The following BMPER variants were observed in gnomAD, a reference collection of about 807,000 sequenced individuals.
BMPER encodes the protein BMP-binding endothelial regulator protein.
BMPER carries 45 observed loss-of-function variants against 87.3 expected under a neutral mutation model. The ratio of observed to expected loss-of-function variants is 0.52; its 90% confidence interval spans 0.41 to 0.66. BMPER has a LOEUF of 0.66. Among genes scored for constraint, BMPER ranks in the 30% least tolerant of loss-of-function variants. BMPER has a pLI of 0.00. For synonymous variants in BMPER, 326 were observed against 316.2 expected (o/e 1.03, Z -0.33); for missense variants, 784 against 867.5 (o/e 0.90, Z 1.21).
intron 5 of BMPER, among the ~76,000 whole-genome samples, chr7:33,972,679 C>T (rs1048382208): frequency 3.3e-5 from 5 of 152,156 alleles, no homozygotes; most frequent in African/African-American, 1.2e-4. Flanking sequence ...CCCACACACA[C>T]CGCGAGAATT....
chr7:34,025,154 T>G (rs1787323791), intron 6 of BMPER, among the ~76,000 whole-genome samples: 1 of 152,136 alleles, frequency 6.6e-6, no homozygotes, highest in African/African-American at 2.4e-5. Context: ...TGGTTTGTTC[T>G]TCCTTAAAGA....
intron 6 of BMPER, among the ~76,000 whole-genome samples, chr7:34,031,239 G>A (rs1055478619): frequency 1.3e-5 from 2 of 151,992 alleles, no homozygotes; most frequent in African/African-American, 2.4e-5. Flanking sequence ...TGCCTCACAC[G>A]TTAATAGGGA....
At chr7:34,041,119 G>C (rs576563948) in intron 6 of BMPER, among the ~76,000 whole-genome samples, 2 of 152,260 alleles carry the variant, frequency 1.3e-5, no homozygotes, top group South Asian at 2.1e-4. Context: ...GGCCCTATTA[G>C]ATGGAAATAA....
intron 3 of BMPER, among the ~76,000 whole-genome samples, chr7:33,949,466 C>G (rs1784968406): frequency 6.6e-6 from 1 of 152,122 alleles, no homozygotes; most frequent in African/African-American, 2.4e-5. Flanking sequence ...GTGTGTGTTT[C>G]ATTTCTAACC....
In BMPER at chr7:34,088,869, A is replaced by G. The variant is rs150680905; in HGVS notation, c.1745+2777A>G. ...TGATTACATAAACTCCCCCTGATGC[A>G]TCTGTGGAACAATCTCAAAATCAAC... On this transcript the variant is annotated intron_variant, in intron 13 of 14. Coordinates refer to ENST00000649409, the MANE Select transcript of BMPER (RefSeq NM_001365308.1). Among the ~76,000 whole-genome samples the G allele has an allele frequency of 1.3e-3, 205 of 152,266 alleles. 1 individual carries two copies. The highest frequency in any genetic ancestry group is 4.4e-3 in the African/African-American group (181 of 41,556).
At chr7:34,088,469 C>T (rs1422816071) in intron 13 of BMPER, among the ~76,000 whole-genome samples, 1 of 152,182 alleles carries the variant, frequency 6.6e-6, no homozygotes, top group African/African-American at 2.4e-5. Flanking sequence ...ATATTCTCTT[C>T]TCAGTGGAGC....
intron 6 of BMPER, among the ~76,000 whole-genome samples, chr7:34,005,469 A>G (rs1333782117): frequency 6.6e-6 from 1 of 151,542 alleles, no homozygotes; most frequent in Non-Finnish European, 1.5e-5. Context: ...ATTTTTAGAG[A>G]TGATGTCTCA....
intron 6 of BMPER, among the ~76,000 whole-genome samples, chr7:33,976,594 G>C (rs1408310300): frequency 1.3e-5 from 2 of 152,112 alleles, no homozygotes; most frequent in African/African-American, 4.8e-5. Context: ...ATGCTTTTGG[G>C]AGTAGACTGA....
chr7:33,979,010 T>C (rs1160879980), intron 6 of BMPER, among the ~76,000 whole-genome samples: 2 of 152,082 alleles, frequency 1.3e-5, no homozygotes, highest in Admixed American at 6.5e-5. Flanking sequence ...AGTGTGGGCA[T>C]GTGCACACAC....
intron 6 of BMPER, among the ~76,000 whole-genome samples, chr7:34,034,904 C>T (rs1316377263): frequency 3.3e-5 from 5 of 152,058 alleles, no homozygotes; most frequent in Non-Finnish European, 7.4e-5. Flanking sequence ...CAGGAGAAGC[C>T]GATGAGTGAA....
At chr7:33,970,484 C>T in intron 5 of BMPER, 65 bp downstream of exon 5, 1 of 1,511,130 alleles carries the variant, frequency 6.6e-7, no homozygotes. Context: ...CATGAATCTC[C>T]CAACCCCTCT....
chr7:33,986,529 G>T (rs1460203850), intron 6 of BMPER, among the ~76,000 whole-genome samples: 2 of 152,146 alleles, frequency 1.3e-5, no homozygotes, highest in East Asian at 3.9e-4. Context: ...CTTGAAGGCA[G>T]TAGGAAAATA....
intron 12 of BMPER, among the ~76,000 whole-genome samples, chr7:34,080,921 TA>T (rs1789026756): frequency 1.3e-5 from 2 of 152,198 alleles, no homozygotes. Flanking sequence ...GCTAAGAGAA[TA>T]ATAATAGATC....
intron 10 of BMPER, among the ~76,000 whole-genome samples, 155 bp from the exon 11 acceptor site, chr7:34,061,847 T>C (rs1788443751): frequency 6.6e-6 from 1 of 152,200 alleles, no homozygotes; most frequent in African/African-American, 2.4e-5. Context: ...ATTTTCACCA[T>C]CTTCATCACC....
intron 13 of BMPER, among the ~76,000 whole-genome samples, chr7:34,117,067 G>A (rs867093641): frequency 4.6e-5 from 7 of 151,952 alleles, no homozygotes; most frequent in African/African-American, 1.7e-4. Flanking sequence ...ATTATTATTG[G>A]TACATAGACA....
chr7:34,077,915 T>A (rs1298051735), intron 11 of BMPER, among the ~76,000 whole-genome samples: 4 of 150,516 alleles, frequency 2.7e-5, no homozygotes, highest in African/African-American at 1.0e-4. Context: ...TTGTGCTTTT[T>A]ATTTTTTTTT....
At chr7:34,098,400 T>C (rs1283064762) in intron 13 of BMPER, among the ~76,000 whole-genome samples, 1 of 152,164 alleles carries the variant, frequency 6.6e-6, no homozygotes, top group Non-Finnish European at 1.5e-5. Flanking sequence ...ATCTGCTTCC[T>C]TTTTACTGGC....
At chr7:34,069,603 T>A (rs182808260) in intron 11 of BMPER, among the ~76,000 whole-genome samples, 2 of 152,256 alleles carry the variant, frequency 1.3e-5, no homozygotes, top group Non-Finnish European at 2.9e-5. Flanking sequence ...CCCAAACTTT[T>A]ATGCACTATT....
At chr7:34,143,164 G>A in intron 13 of BMPER, 66 bp from the exon 14 acceptor site, 3 of 1,603,396 alleles carry the variant, frequency 1.9e-6, no homozygotes, top group Non-Finnish European at 2.6e-6. Context: ...CCTTTCTGAA[G>A]TTATATTTAG....
Sources: gnomAD v4.1 joint callset for allele counts (sites outside exome capture counted in the v4.1 genomes callset) on GRCh38, gnomAD v4.1.1 for gene constraint, MANE v1.5 for transcripts, NCBI Gene and HGNC (gene_info 2026-07-23, HGNC 2026-07-21) for gene names.